Variants in NELL2 observed in about 807,000 individuals in gnomAD.
NELL2 encodes protein kinase C-binding protein NELL2.
In NELL2, 41 loss-of-function variants were observed where a neutral mutation model predicts 109.6. That is an observed-to-expected ratio of 0.37 (90% CI 0.29 to 0.49). The LOEUF (loss-of-function observed/expected upper bound fraction) is 0.49, where lower values mean the gene tolerates loss of function less well. Ranked by LOEUF, NELL2 falls within the 20% of genes least tolerant of loss-of-function variation. The probability of loss-of-function intolerance (pLI) is 0.98; values close to 1 mark genes in which losing one functional copy is unlikely to be tolerated. For synonymous variants in NELL2, 355 were observed against 344.7 expected (o/e 1.03, Z -0.33); for missense variants, 900 against 1,008.3 (o/e 0.89, Z 1.45).
At chr12:44,539,822 C>T (rs1942467839) in intron 15 of NELL2, among the ~76,000 whole-genome samples, 1 of 152,122 alleles carries the variant, frequency 6.6e-6, no homozygotes, top group African/African-American at 2.4e-5. Context: ...GAACTAGACA[C>T]ATGGTTAGAG....
chr12:44,856,884 A>G (rs1407352513), intron 2 of NELL2, among the ~76,000 whole-genome samples: 1 of 152,248 alleles, frequency 6.6e-6, no homozygotes, highest in Admixed American at 6.5e-5. Context: ...TGTGAAGGAC[A>G]GACTGCAGAG....
intron 2 of NELL2, among the ~76,000 whole-genome samples, chr12:44,864,785 T>C (rs878986931): frequency 6.6e-6 from 1 of 152,214 alleles, no homozygotes. Context: ...CAAGTGCACA[T>C]GGAACACACT....
chr12:44,764,942 T>C (rs1009529178), intron 9 of NELL2, among the ~76,000 whole-genome samples: 1 of 152,142 alleles, frequency 6.6e-6, no homozygotes, highest in South Asian at 2.1e-4. Context: ...GCATGTTCCA[T>C]GAACCAGCAG....
At chr12:44,705,126 A>G (rs929936739) in intron 11 of NELL2, among the ~76,000 whole-genome samples, 2 of 152,126 alleles carry the variant, frequency 1.3e-5, no homozygotes, top group African/African-American at 4.8e-5. Flanking sequence ...ATATAGATGG[A>G]AGTACTATAT....
intron 3 of NELL2, among the ~76,000 whole-genome samples, chr12:44,782,214 A>G (rs1311186177): frequency 2.0e-5 from 3 of 151,970 alleles, no homozygotes; most frequent in African/African-American, 7.2e-5. Context: ...AATCAGTTAT[A>G]AGTTATGTAT....
Position 44,795,806 on chromosome 12 carries a change from G to C in NELL2, c.336-15784C>G, listed in dbSNP as rs141523019. On this transcript the variant is annotated intron_variant, in intron 3 of 19. Coordinates refer to ENST00000429094, the MANE Select transcript of NELL2 (RefSeq NM_001145108.2). ...CTTTCCTCATTTATTATAGAAAATTGGCTGTTTCATCTTGCCACTTCCAGT... is the reference window on the plus strand; with the variant it reads ...CTTTCCTCATTTATTATAGAAAATTCGCTGTTTCATCTTGCCACTTCCAGT... 5.1e-3 allele frequency among the ~76,000 whole-genome samples: 777 copies of C among 152,196 alleles called. 8 individuals are homozygous for C. The highest frequency in any genetic ancestry group is 0.018 in the African/African-American group (732 of 41,534).
chr12:44,778,966 T>G (rs1941853688), intron 5 of NELL2, among the ~76,000 whole-genome samples: 1 of 152,194 alleles, frequency 6.6e-6, no homozygotes, highest in South Asian at 2.1e-4. Flanking sequence ...CTTATCATTG[T>G]TTGATTTGGT....
chr12:44,796,511 T>G (rs1387587943), intron 3 of NELL2, among the ~76,000 whole-genome samples: 1 of 152,144 alleles, frequency 6.6e-6, no homozygotes, highest in Non-Finnish European at 1.5e-5. Flanking sequence ...ACTTTTTAGT[T>G]TAATTATTCC....
At position 44,811,877 on chromosome 12, in the gene NELL2, AGCTCAAGCTCTTGCTCTT is replaced by A. The variant is rs1361207316; in HGVS notation, c.335+4091_335+4108del. Among the ~76,000 whole-genome samples the A allele has an allele frequency of 6.0e-4, 91 of 152,276 alleles. 1 individual carries two copies. Among genetic ancestry groups the A allele is most frequent in the African/African-American group, 2.0e-3 (84 of 41,562 alleles). ...ACAGAGTCTAAATTCACAGAGGGAT[AGCTCAAGCTCTTGCTCTT>A]GCTCAAGATCTTGCTCTTGTGCTTT... On this transcript the variant is annotated intron_variant, in intron 3 of 19. Coordinates refer to ENST00000429094, the MANE Select transcript of NELL2 (RefSeq NM_001145108.2).
intron 9 of NELL2, among the ~76,000 whole-genome samples, chr12:44,760,203 G>A (rs184578473): frequency 5.3e-5 from 8 of 152,050 alleles, no homozygotes; most frequent in Admixed American, 2.0e-4. Context: ...GTCCACCTCC[G>A]AAATATTTCA....
chr12:44,745,978 C>A (rs1940324499), intron 9 of NELL2, among the ~76,000 whole-genome samples: 1 of 152,096 alleles, frequency 6.6e-6, no homozygotes, highest in Non-Finnish European at 1.5e-5. Context: ...AAAAAAGAGC[C>A]CGCATTGCCA....
chr12:44,682,188 A>C (rs1020802806), intron 12 of NELL2, among the ~76,000 whole-genome samples: 3 of 150,036 alleles, frequency 2.0e-5, no homozygotes, highest in African/African-American at 7.6e-5. Context: ...GCATTTTTTC[A>C]TGTGTTTTTT....
At chr12:44,585,909 T>C (rs890321681) in intron 15 of NELL2, among the ~76,000 whole-genome samples, 1 of 151,612 alleles carries the variant, frequency 6.6e-6, no homozygotes, top group African/African-American at 2.4e-5. Flanking sequence ...AAAAACTGCA[T>C]TAGAAGTAAC....
At position 44,520,146 on chromosome 12, in the gene NELL2, C is replaced by G. The variant is rs139052675; in HGVS notation, c.2259G>C (p.Pro753=). The G allele has an allele frequency of 6.2e-7, 1 of 1,613,988 alleles. No homozygotes were observed. The highest frequency in any genetic ancestry group is 1.7e-5 in the Admixed American group (1 of 59,972). The change falls in exon 19 of 20, where the codon CCG becomes CCC. Residue 753 remains proline (P), a synonymous_variant. Transcript: ENST00000429094. ...CCTGGCAAGGGTCTGTGACACAGCG[C>G]GGGCAGCACTCATTCTCTGGGAGAA... The part of the protein sequence containing the change: ...FSILPENECC[P]RCVTDPCQAD...
intron 1 of NELL2, among the ~76,000 whole-genome samples, chr12:44,885,667 G>A (rs1224413348): frequency 6.6e-6 from 1 of 151,830 alleles, no homozygotes; most frequent in Non-Finnish European, 1.5e-5. Context: ...CGTGCTCACA[G>A]ATACATATAG....
At chr12:44,601,856 A>T (rs1051027302) in intron 15 of NELL2, among the ~76,000 whole-genome samples, 2 of 152,170 alleles carry the variant, frequency 1.3e-5, no homozygotes, top group African/African-American at 4.8e-5. Context: ...AAAGGGTCAC[A>T]TAGCTGGCTG....
Position 44,774,954 on chromosome 12 carries a change from C to T in NELL2, c.892-105G>A. 8.9e-6 allele frequency: 7 copies of T among 783,482 alleles called. 1 individual carries two copies. In the South Asian group the frequency reaches 1.3e-4, roughly 15 times the overall value. 48.5% of individuals were successfully genotyped at this position (783,482 alleles called of 1,614,324 possible). ...TTTTAAACTCTTCATGTGAAGAGAA[C>T]AGAACAGGCCATTCATTGCCAGGAG... On this transcript the variant is annotated intron_variant, in intron 8 of 19. Coordinates refer to ENST00000429094, the MANE Select transcript of NELL2 (RefSeq NM_001145108.2).
intron 2 of NELL2, among the ~76,000 whole-genome samples, chr12:44,834,104 A>T (rs1414651393): frequency 6.6e-6 from 1 of 152,208 alleles, no homozygotes; most frequent in African/African-American, 2.4e-5. Context: ...TTACATACAG[A>T]TATGTAAAAG....
Position 44,897,788 on chromosome 12 carries a change from G to A in NELL2, c.38+16011C>T, listed in dbSNP as rs59076616. Among the ~76,000 whole-genome samples, 680 of 151,842 alleles carry A rather than the reference G, an allele frequency of 4.5e-3. 4 individuals are homozygous for A. Among genetic ancestry groups the A allele is most frequent in the African/African-American group, 0.015 (621 of 41,428 alleles). ...CAGAACTGTTTACTCCCCTGGAAAA[G>A]AGGCTGAAGCCAGGGAGCCAAGTGG... On this transcript the variant is annotated intron_variant, in intron 1 of 20. Coordinates refer to the NELL2 transcript ENST00000333837.
Sources: gnomAD v4.1 joint callset for allele counts (sites outside exome capture counted in the v4.1 genomes callset) on GRCh38, gnomAD v4.1.1 for gene constraint, MANE v1.5 for transcripts, NCBI Gene and HGNC (gene_info 2026-07-23, HGNC 2026-07-21) for gene names.